Variants in SHOC1 observed in about 807,000 individuals in gnomAD.
SHOC1 encodes shortage in chiasmata 1, also known as protein shortage in chiasmata 1 ortholog.
A neutral mutation model predicts 179.2 loss-of-function variants in SHOC1; 136 were observed. That is an observed-to-expected ratio of 0.76 (90% CI 0.66 to 0.87). The LOEUF is 0.87. SHOC1 is among the 40% of genes least tolerant of loss of function. The pLI, the probability that SHOC1 is intolerant of heterozygous loss-of-function variation, is 0.00. For synonymous variants in SHOC1, 489 were observed against 586.6 expected (o/e 0.83, Z 2.41); for missense variants, 1,538 against 1,700.8 (o/e 0.90, Z 1.68).
chr9:111,788,064 CTTTTT>C (rs35764341), intron 2 of SHOC1, among the ~76,000 whole-genome samples: 1 of 122,738 alleles, frequency 8.1e-6, no homozygotes, highest in African/African-American at 3.1e-5. Context: ...ATAAACATAA[CTTTTT>C]TTTTTTTTTT....
Position 111,706,724 on chromosome 9 carries a change from GTACAAC to G in SHOC1, c.2575_2580del (p.Val859_Val860del). 6.2e-7 allele frequency: 1 copy of G among 1,600,198 alleles called. No homozygotes were observed. On this transcript the variant is annotated inframe_deletion, in exon 20 of 28. Coordinates refer to ENST00000682961, the MANE Select transcript of SHOC1 (RefSeq NM_001378211.1). ...AAATCTGCTCCAATATATTGATTAT[GTACAAC>G]TACACAGGAACTTGTACTAAAGACA...
At chr9:111,764,488 T>A (rs1476965928) in intron 5 of SHOC1, among the ~76,000 whole-genome samples, 1 of 152,190 alleles carries the variant, frequency 6.6e-6, no homozygotes, top group Non-Finnish European at 1.5e-5. Context: ...AATAACACAA[T>A]ACTATTTTCA....
At chr9:111,742,088 T>C (rs908418011) in intron 10 of SHOC1, among the ~76,000 whole-genome samples, 4 of 152,204 alleles carry the variant, frequency 2.6e-5, no homozygotes, top group African/African-American at 9.7e-5. Flanking sequence ...TTTGGTAATT[T>C]GTAAACTCAA....
In SHOC1 at chr9:111,759,565, G is replaced by A. The variant is rs529265140; in HGVS notation, c.443-717C>T. On this transcript the variant is annotated intron_variant, in intron 5 of 27. Transcript: ENST00000682961. ...TTTAACAGTTTCTAAGTCACAGGAAGGAACATAAACTTGCCCCCAATTCTT... is the reference window on the plus strand; with the variant it reads ...TTTAACAGTTTCTAAGTCACAGGAAAGAACATAAACTTGCCCCCAATTCTT... 1.3e-3 allele frequency: 1,441 copies of A among 1,113,676 alleles called. 2 individuals carry two copies. The highest frequency in any genetic ancestry group is 1.5e-3 in the Non-Finnish European group (1,367 of 914,648). The allele number at this position is 1,113,676 out of a possible 1,614,324, so 69.0% of individuals were successfully genotyped here.
intron 13 of SHOC1, 125 bp downstream of exon 13, chr9:111,727,508 C>T (rs1239637576): frequency 2.5e-6 from 2 of 815,176 alleles, no homozygotes; most frequent in East Asian, 5.8e-5. Context: ...ATGACATTTT[C>T]CTTGACTACA....
At chr9:111,762,855 C>T (rs1835196509) in intron 5 of SHOC1, among the ~76,000 whole-genome samples, 1 of 151,180 alleles carries the variant, frequency 6.6e-6, no homozygotes, top group Non-Finnish European at 1.5e-5. Flanking sequence ...CGGTTTTAGT[C>T]AGTATAGTCA....
chr9:111,708,350 C>T (rs564507628), intron 18 of SHOC1, among the ~76,000 whole-genome samples: 70 of 152,026 alleles, frequency 4.6e-4, no homozygotes, highest in African/African-American at 1.6e-3. Context: ...TGACAAGTGC[C>T]TGCCACCACG....
chr9:111,726,725 T>C (rs181143336), intron 13 of SHOC1, among the ~76,000 whole-genome samples: 163 of 152,332 alleles, frequency 1.1e-3, no homozygotes, highest in African/African-American at 3.8e-3. Context: ...TTTTGTATTC[T>C]TTAACTGTGA....
At chr9:111,776,649 G>C (rs1835844796) in intron 4 of SHOC1, among the ~76,000 whole-genome samples, 1 of 152,200 alleles carries the variant, frequency 6.6e-6, no homozygotes, top group South Asian at 2.1e-4. Context: ...TCAAAGGTGA[G>C]GGAGACAGGT....
Position 111,748,211 on chromosome 9 carries a change from G to T in SHOC1, c.863-12C>A. On this transcript the variant is annotated splice_polypyrimidine_tract_variant and intron_variant, in intron 8 of 27. Transcript: ENST00000682961. ...CTTGTTAGTAAGATCTGAAAAGGAAGAAACTCTGTTATTAGCAAATGTACC... is the reference window on the plus strand; with the variant it reads ...CTTGTTAGTAAGATCTGAAAAGGAATAAACTCTGTTATTAGCAAATGTACC... 6.4e-7 allele frequency: 1 copy of T among 1,564,746 alleles called. No homozygotes were observed. Among genetic ancestry groups the T allele is most frequent in the South Asian group, 1.1e-5 (1 of 89,370 alleles).
rs777448331 is a variant in SHOC1 at position 111,693,920 on chromosome 9, C to T, written c.3344G>A (p.Cys1115Tyr). ...GAGCTGAGCCACCAATGGGTTAATA[C>T]ATGGAAAATCAAGTAAGTACATTTC... Reference protein sequence around the residue: ...EEEMYLLDFPCINPLVAQLML... With the variant: ...EEEMYLLDFPYINPLVAQLML... The change falls in exon 26 of 28, where the codon TGT becomes TAT. Residue 1115 changes from cysteine (C) to tyrosine (Y), a missense_variant. Transcript: ENST00000682961. 2 of 1,611,206 alleles carry T rather than the reference C, an allele frequency of 1.2e-6. No individual in the cohort carries two copies. Among genetic ancestry groups the T allele is most frequent in the Admixed American group, 1.7e-5 (1 of 59,812 alleles).
At chr9:111,732,167 G>A (rs1464471825) in intron 12 of SHOC1, among the ~76,000 whole-genome samples, 1 of 152,154 alleles carries the variant, frequency 6.6e-6, no homozygotes, top group Non-Finnish European at 1.5e-5. Flanking sequence ...AGGATATGGG[G>A]TAACTGGATC....
intron 10 of SHOC1, among the ~76,000 whole-genome samples, chr9:111,745,228 CT>C (rs2131515084): frequency 6.6e-6 from 1 of 152,312 alleles, no homozygotes; most frequent in African/African-American, 2.4e-5. Flanking sequence ...TGATCTTTGG[CT>C]ACTTCTGGCC....
intron 15 of SHOC1, among the ~76,000 whole-genome samples, chr9:111,720,985 T>C (rs1242069718): frequency 1.3e-5 from 2 of 152,208 alleles, no homozygotes; most frequent in Non-Finnish European, 2.9e-5. Flanking sequence ...TGCCAGACAT[T>C]GTGACTGTTA....
Position 111,691,799 on chromosome 9 carries a change from A to G in SHOC1, c.4178T>C (p.Leu1393Ser), listed in dbSNP as rs1831441439. The G allele has an allele frequency of 6.2e-7, 1 of 1,613,778 alleles. No individual in the cohort carries two copies. Among genetic ancestry groups the G allele is most frequent in the South Asian group, 1.1e-5 (1 of 91,082 alleles). Residue 1393 changes from leucine to serine, a missense_variant, in exon 27 of 28, where the codon TTA (leucine) becomes TCA (serine). Physicochemically the swap from Leu to Ser is moderately radical, Grantham distance 145. Transcript: ENST00000682961. ...TAGACATTTTTGCTGATCAGTGAAT[A>G]AATTACCTTTCTGAGAGTACAATTT... ...CNKLYSQKGN[L>S]FTDQQKCLSD...
intron 12 of SHOC1, among the ~76,000 whole-genome samples, chr9:111,737,611 GATC>G (rs1442152642): frequency 6.6e-6 from 1 of 152,004 alleles, no homozygotes; most frequent in Non-Finnish European, 1.5e-5. Context: ...AGTGGGTCGA[GATC>G]ATGCCACTGT....
intron 12 of SHOC1, among the ~76,000 whole-genome samples, chr9:111,735,933 C>T (rs559791838): frequency 1.2e-4 from 19 of 152,138 alleles, no homozygotes; most frequent in South Asian, 2.1e-4. Flanking sequence ...ATCCAATCCA[C>T]GTTAATGGGC....
At chr9:111,690,498 C>T (rs1831379134) in intron 27 of SHOC1, among the ~76,000 whole-genome samples, 1 of 152,046 alleles carries the variant, frequency 6.6e-6, no homozygotes, top group South Asian at 2.1e-4. Context: ...TAAAGAATCA[C>T]CCCTCAAAAA....
intron 13 of SHOC1, among the ~76,000 whole-genome samples, 199 bp downstream of exon 13, chr9:111,727,434 A>G (rs1438718294): frequency 6.6e-6 from 1 of 152,206 alleles, no homozygotes; most frequent in Non-Finnish European, 1.5e-5. Flanking sequence ...AAACATATGT[A>G]TCTGTATCTA....
Sources: gnomAD v4.1 joint callset for allele counts (sites outside exome capture counted in the v4.1 genomes callset) on GRCh38, gnomAD v4.1.1 for gene constraint, MANE v1.5 for transcripts, NCBI Gene and HGNC (gene_info 2026-07-23, HGNC 2026-07-21) for gene names.